The following ADAP1 variants were observed in gnomAD, a reference collection of about 807,000 sequenced individuals.
ADAP1 encodes ArfGAP with dual PH domains 1, also known as arf-GAP with dual PH domain-containing protein 1.
In ADAP1, 31 loss-of-function variants were observed where a neutral mutation model predicts 54.9. The ratio of observed to expected loss-of-function variants is 0.56; its 90% CI spans 0.42 to 0.76. The LOEUF (loss-of-function observed/expected upper bound fraction) is 0.76, where lower values mean the gene tolerates loss of function less well. Among genes scored for constraint, ADAP1 ranks in the 30% least tolerant of loss-of-function variants. ADAP1 has a pLI of 0.00. For missense variants in ADAP1, 535 were observed against 512.4 expected, an observed-to-expected ratio of 1.04 and a Z score of -0.42; for synonymous variants, 313 against 202.6, an observed-to-expected ratio of 1.55 and a Z score of -4.63.
In ADAP1 at chr7:909,847, A is replaced by ATGGTG. The variant is rs1845647310; in HGVS notation, c.389-4680_389-4676dup. Among the ~76,000 whole-genome samples the ATGGTG allele has an allele frequency of 2.1e-5, 3 of 146,328 alleles. No homozygotes were observed. In the South Asian group the frequency reaches 6.3e-4, roughly 31 times the overall value. On this transcript the variant is annotated intron_variant, in intron 4 of 10. Transcript: ENST00000265846. ...CTGGTCCCGCTGTGTGTCGGGTCCT[A>ATGGTG]TGGTGTGGGGTGGGGGGGGTTCTAC...
At chr7:903,566 C>T (rs540946729) in intron 6 of ADAP1, among the ~76,000 whole-genome samples, 191 of 152,284 alleles carry the variant, frequency 1.3e-3, no homozygotes, top group African/African-American at 4.4e-3. Context: ...CACCGCTGCG[C>T]CCCCTGCAGC....
Position 898,838 on chromosome 7 carries a change from A to G in ADAP1, c.*83T>C. On this transcript the variant is annotated 3_prime_UTR_variant, in exon 11 of 11. Coordinates refer to ENST00000265846, the MANE Select transcript of ADAP1 (RefSeq NM_006869.4). ...GGAGCAGGTGGGGCCAGGTGGCCTC[A>G]GGACGCCAGAGCCCCCCCATCCACG... is the stretch of plus-strand genomic sequence containing the variant. 6.5e-7 allele frequency: 1 copy of G among 1,534,022 alleles called. No individual in the cohort carries two copies.
intron 4 of ADAP1, among the ~76,000 whole-genome samples, chr7:912,899 A>C (rs1324981703): frequency 1.3e-5 from 2 of 152,150 alleles, no homozygotes; most frequent in Non-Finnish European, 2.9e-5. Context: ...CCCACACTGG[A>C]GTGCAGTGGT....
rs531456625 is a variant in ADAP1 at position 909,180 on chromosome 7, C to T, written c.389-4008G>A. On this transcript the variant is annotated intron_variant, in intron 4 of 10. Coordinates refer to ENST00000265846, the MANE Select transcript of ADAP1 (RefSeq NM_006869.4). ...CGGTCCTCCCGACAGCAGGCGCCAG[C>T]GGGAACCCCGGACCTCCCGACAGCA... Among the ~76,000 whole-genome samples the T allele has an allele frequency of 2.5e-3, 286 of 112,972 alleles. 2 individuals are homozygous for T. The highest frequency in any genetic ancestry group is 4.0e-3 in the Non-Finnish European group (206 of 52,030). 74.1% of individuals were successfully genotyped at this position (112,972 alleles called of 152,430 possible).
In ADAP1 at chr7:905,120, C is replaced by G. The variant is rs1330952058; in HGVS notation, c.441G>C (p.Leu147Phe). The change falls in exon 5 of 11, where the codon TTG (leucine) becomes TTC (phenylalanine). Residue 147 changes from leucine (L) to phenylalanine (F), a missense_variant. Physicochemically the swap from Leu to Phe is conservative, Grantham distance 22. Coordinates refer to ENST00000265846, the MANE Select transcript of ADAP1 (RefSeq NM_006869.4). ...WKRGRDNGQF[L>F]SRKFVLTERE... ...GTTCTGTCAGCACAAACTTCCGGCT[C>G]AAAAACTGCCCGTTGTCCCGGCCAC... The G allele has an allele frequency of 6.2e-7, 1 of 1,612,474 alleles. No homozygotes were observed. The highest frequency in any genetic ancestry group is 1.1e-5 in the South Asian group (1 of 91,090).
chr7:920,995 T>TC lies in ADAP1; in HGVS notation c.306-946dup. 1 of 844,036 alleles carries TC rather than the reference T, an allele frequency of 1.2e-6. No individual in the cohort carries two copies. The highest frequency in any genetic ancestry group is 2.7e-5 in the East Asian group (1 of 37,072). 52.3% of individuals were successfully genotyped at this position (844,036 alleles called of 1,614,324 possible). A position where few individuals can be genotyped will look rare whatever the true frequency, so the allele number is the denominator to read the frequency against. ...CCCACAGGATCTGATGGGTGATGGG[T>TC]CCCAGCTGGGTCTCTGGCCCCTGGC... On this transcript the variant is annotated intron_variant, in intron 3 of 10. Coordinates refer to ENST00000265846, the MANE Select transcript of ADAP1 (RefSeq NM_006869.4). The surrounding 1 kb of genome is among the most constrained non-coding windows in gnomAD (Gnocchi z 4.5).
chr7:944,638 A>G (rs182479062), intron 1 of ADAP1, among the ~76,000 whole-genome samples: 6 of 152,322 alleles, frequency 3.9e-5, no homozygotes, highest in African/African-American at 1.4e-4. Flanking sequence ...ATTTTGCTAC[A>G]GGCATGCAAT....
At position 898,492 on chromosome 7, in the gene ADAP1, C is replaced by T. The variant is rs1224853290; in HGVS notation, c.*429G>A. 2 of 250,842 alleles carry T rather than the reference C, an allele frequency of 8.0e-6. No homozygotes were observed. The highest frequency in any genetic ancestry group is 2.2e-5 in the African/African-American group (1 of 44,632). The allele number at this position is 250,842 out of a possible 1,614,324, so 15.5% of individuals were successfully genotyped here. On this transcript the variant is annotated 3_prime_UTR_variant, in exon 11 of 11. Coordinates refer to ENST00000265846, the MANE Select transcript of ADAP1 (RefSeq NM_006869.4). Reference sequence around the variant, plus strand: ...TGGAGGTGGGGGGAGGGCGGGGCGGCATGCGAGCAGGGCCCAGTCCCCAGC... The same window carrying T: ...TGGAGGTGGGGGGAGGGCGGGGCGGTATGCGAGCAGGGCCCAGTCCCCAGC...
chr7:909,807 G>C (rs1213012341), intron 4 of ADAP1, among the ~76,000 whole-genome samples: 1 of 152,130 alleles, frequency 6.6e-6, no homozygotes, highest in African/African-American at 2.4e-5. Flanking sequence ...ACCGCGTGCC[G>C]CGCCCTGCTG....
chr7:932,550 T>C (rs1846617721), intron 2 of ADAP1, among the ~76,000 whole-genome samples: 1 of 152,132 alleles, frequency 6.6e-6, no homozygotes, highest in Non-Finnish European at 1.5e-5. Context: ...CGTCCCATCA[T>C]CTTTCTGACA....
chr7:902,026 T>TGC (rs1473608860), intron 6 of ADAP1, among the ~76,000 whole-genome samples: 1 of 152,100 alleles, frequency 6.6e-6, no homozygotes, highest in Non-Finnish European at 1.5e-5. Flanking sequence ...TCTGTGACCC[T>TGC]GCAGGCTGCA....
chr7:902,689 ATAAG>A (rs1427134611), intron 6 of ADAP1, among the ~76,000 whole-genome samples: 1 of 151,650 alleles, frequency 6.6e-6, no homozygotes, highest in Non-Finnish European at 1.5e-5. Context: ...AAATCATTAG[ATAAG>A]AAAGCAATCC....
chr7:946,203 C>T lies in ADAP1; in HGVS notation c.82+8193G>A, dbSNP rs1259348635. 6.6e-6 allele frequency among the ~76,000 whole-genome samples: 1 copy of T among 152,154 alleles called. No homozygotes were observed. Among genetic ancestry groups the T allele is most frequent in the East Asian group, 1.9e-4 (1 of 5,176 alleles). On this transcript the variant is annotated intron_variant, in intron 1 of 10. Transcript: ENST00000265846. The surrounding 1 kb of genome is among the most constrained non-coding windows in gnomAD (Gnocchi z 4.3). Reference sequence around the variant, plus strand: ...TCTCCAACTCCACCTCCGTGTTTTCCGCATATTGTCTCCCAGTTACCCGTG... The same window carrying T: ...TCTCCAACTCCACCTCCGTGTTTTCTGCATATTGTCTCCCAGTTACCCGTG...
At chr7:947,498 G>A (rs1030690276) in intron 1 of ADAP1, among the ~76,000 whole-genome samples, 1 of 151,896 alleles carries the variant, frequency 6.6e-6, no homozygotes, top group Non-Finnish European at 1.5e-5. Context: ...GCCTCACATC[G>A]CAGGTCCCTC....
At position 904,159 on chromosome 7, in the gene ADAP1, G is replaced by A. The variant is rs897028813; in HGVS notation, c.615C>T (p.Thr205=). 6.2e-7 allele frequency: 1 copy of A among 1,612,482 alleles called. No individual in the cohort carries two copies. Among genetic ancestry groups the A allele is most frequent in the Admixed American group, 1.7e-5 (1 of 59,978 alleles). Residue 205 remains threonine, a synonymous_variant, in exon 6 of 11, where the codon ACC becomes ACT. Transcript: ENST00000265846. ...LQVTYLKDNS[T]RNIFIYHEDG... ...CCTCATGGTAGATGAAGATGTTACG[G>A]GTGCTGTTGTCCTTCAGGTAGGTGA...
chr7:913,622 C>T (rs1845814253), intron 4 of ADAP1, among the ~76,000 whole-genome samples: 3 of 152,130 alleles, frequency 2.0e-5, no homozygotes, highest in African/African-American at 7.2e-5. Context: ...AAATTACTCC[C>T]CCAGCTTTAG....
chr7:899,370 C>A lies in ADAP1; in HGVS notation c.867+49G>T, dbSNP rs79698027. The A allele has an allele frequency of 2.0e-5, 32 of 1,608,570 alleles. No individual in the cohort carries two copies. The African/African-American group carries it at 3.2e-4, about 16-fold the overall frequency. Reference sequence around the variant, plus strand: ...CCCTCCTGGTCACGCATCTGGCAACCCCAGCCAGTGAGCTGCCCTCCCGTG... The same window carrying A: ...CCCTCCTGGTCACGCATCTGGCAACACCAGCCAGTGAGCTGCCCTCCCGTG... On this transcript the variant is annotated intron_variant, in intron 9 of 10. Coordinates refer to ENST00000265846, the MANE Select transcript of ADAP1 (RefSeq NM_006869.4).
intron 1 of ADAP1, 147 bp downstream of exon 1, chr7:954,249 G>T (rs1231779169): frequency 4.3e-5 from 34 of 794,448 alleles, no homozygotes; most frequent in Non-Finnish European, 4.9e-5. Context: ...CCCCATCCGA[G>T]CGCCGATCCG....
chr7:902,419 C>T (rs4382371), intron 6 of ADAP1, among the ~76,000 whole-genome samples: 91,602 of 117,708 alleles, frequency 0.78, 35,860 homozygotes, highest in East Asian at 0.97. Context: ...GATTGCACCA[C>T]TGCACTCCAG....
Sources: allele counts gnomAD v4.1 joint callset (sites outside exome capture counted in the v4.1 genomes callset), GRCh38; gene constraint gnomAD v4.1.1; non-coding constraint Gnocchi (gnomAD v3.1); transcripts MANE v1.5; gene names NCBI Gene and HGNC (gene_info 2026-07-23, HGNC 2026-07-21).